Variants in SNTG2 observed in about 807,000 individuals in gnomAD.
SNTG2 encodes the protein gamma-2-syntrophin.
Under a neutral mutation model 70.9 loss-of-function variants are expected in SNTG2, and 74 were observed. That is an observed-to-expected ratio of 1.04 (90% CI 0.86 to 1.27). The LOEUF is 1.27. SNTG2 is among the 50% of genes most tolerant of loss of function. The pLI is 0.00. For missense variants in SNTG2, 717 were observed against 690.7 expected, an observed-to-expected ratio of 1.04 and a Z score of -0.43; for synonymous variants, 278 against 273.8, an observed-to-expected ratio of 1.02 and a Z score of -0.15.
intron 8 of SNTG2, among the ~76,000 whole-genome samples, chr2:1,184,899 C>G (rs1197602857): frequency 1.3e-5 from 2 of 152,184 alleles, no homozygotes; most frequent in Non-Finnish European, 2.9e-5. Flanking sequence ...CAAGTTTTAA[C>G]TCATGTCAGC....
chr2:1,007,360 C>G (rs1345181223), intron 1 of SNTG2, among the ~76,000 whole-genome samples: 3 of 152,276 alleles, frequency 2.0e-5, no homozygotes, highest in East Asian at 1.9e-4. Context: ...TGGGTGTTGC[C>G]AAGAGAAGTA....
rs1400320346 is a variant in SNTG2, at chr2:1,172,972, A to G, written c.500-120A>G. 6.0e-6 allele frequency: 5 copies of G among 833,946 alleles called. No homozygotes were observed. The East Asian group carries it at 1.2e-4, about 20-fold the overall frequency. The allele number at this position is 833,946 out of a possible 1,614,324, so 51.7% of individuals were successfully genotyped here. A position where few individuals can be genotyped will look rare whatever the true frequency, so the allele number is the denominator to read the frequency against. ...TGGGGATGACCCAGCCCATAACTGG[A>G]CACCAGGCATTTTGGTGCTGGTAAC... On this transcript the variant is annotated intron_variant, in intron 7 of 16. Transcript: ENST00000308624.
At chr2:960,584 C>A (rs187801435) in intron 1 of SNTG2, among the ~76,000 whole-genome samples, 1 of 151,028 alleles carries the variant, frequency 6.6e-6, no homozygotes, top group South Asian at 2.1e-4. Flanking sequence ...GAAGGGGGTG[C>A]TCCTACTGCC....
At chr2:1,262,774 C>G (rs2148173564) in intron 13 of SNTG2, 1 of 151,714 alleles carries the variant, frequency 6.6e-6, no homozygotes, top group South Asian at 2.1e-4. Flanking sequence ...CCCGAAGGCT[C>G]CGTGCAGACG....
chr2:1,166,936 C>T (rs1260177133), intron 7 of SNTG2, among the ~76,000 whole-genome samples: 1 of 152,156 alleles, frequency 6.6e-6, no homozygotes, highest in African/African-American at 2.4e-5. Flanking sequence ...GAGAAAACCA[C>T]CTTGCCACTC....
intron 9 of SNTG2, among the ~76,000 whole-genome samples, chr2:1,235,314 G>A (rs57568022): frequency 9.5e-5 from 4 of 42,280 alleles, no homozygotes; most frequent in Non-Finnish European, 1.4e-4. Context: ...GGGGGCCCCT[G>A]CCCCACGCTG....
intron 4 of SNTG2, among the ~76,000 whole-genome samples, chr2:1,132,349 C>G (rs1236862487): frequency 6.6e-6 from 1 of 151,978 alleles, no homozygotes; most frequent in Non-Finnish European, 1.5e-5. Flanking sequence ...ACATTCAGAG[C>G]CACGGGGAAG....
In SNTG2 at chr2:996,673, G is replaced by GTTTTTTTTTTTTTTTTTTTTTTT; in HGVS notation, c.72+45614_72+45636dup. 1.4e-3 allele frequency among the ~76,000 whole-genome samples: 50 copies of GTTTTTTTTTTTTTTTTTTTTTTT among 35,092 alleles called. 10 individuals are homozygous for GTTTTTTTTTTTTTTTTTTTTTTT. The highest frequency in any genetic ancestry group is 6.6e-3 in the South Asian group (4 of 606). 23.0% of individuals were successfully genotyped at this position (35,092 alleles called of 152,430 possible). ...ATATTGCTTGTATTTGAGTTACCCA[G>GTTTTTTTTTTTTTTTTTTTTTTT]TTTTTTTTTTTTTTTTTTTTTTTTT... On this transcript the variant is annotated intron_variant, in intron 1 of 16. Coordinates refer to ENST00000308624, the MANE Select transcript of SNTG2 (RefSeq NM_018968.4).
At chr2:1,141,550 T>C (rs1481433623) in intron 6 of SNTG2, among the ~76,000 whole-genome samples, 1 of 152,244 alleles carries the variant, frequency 6.6e-6, no homozygotes, top group Non-Finnish European at 1.5e-5. Context: ...ACTCCCTTGC[T>C]AATAATTTAT....
At chr2:1,232,928 G>T (rs1429281411) in intron 9 of SNTG2, among the ~76,000 whole-genome samples, 1 of 152,096 alleles carries the variant, frequency 6.6e-6, no homozygotes, top group Non-Finnish European at 1.5e-5. Flanking sequence ...AAGCATGAAG[G>T]CTTAAAGTAA....
chr2:963,505 A>G (rs769462005), intron 1 of SNTG2, among the ~76,000 whole-genome samples: 14 of 152,344 alleles, frequency 9.2e-5, no homozygotes, highest in Admixed American at 8.5e-4. Flanking sequence ...GTTATCACCT[A>G]TGTTTGGTAT....
At chr2:1,255,929 T>TAA (rs1210473678) in intron 12 of SNTG2, among the ~76,000 whole-genome samples, 6 of 66,356 alleles carry the variant, frequency 9.0e-5, no homozygotes, top group African/African-American at 5.2e-4. Flanking sequence ...AATATATAAA[T>TAA]ATATAAATAT....
intron 14 of SNTG2, 33 bp downstream of exon 14, chr2:1,267,604 A>C: frequency 6.3e-7 from 1 of 1,587,792 alleles, no homozygotes. Flanking sequence ...TCTCACCTAC[A>C]CCTGCTCGGG....
intron 16 of SNTG2, among the ~76,000 whole-genome samples, chr2:1,329,222 G>A (rs1470944321): frequency 6.6e-6 from 1 of 151,906 alleles, no homozygotes; most frequent in East Asian, 1.9e-4. Flanking sequence ...TTTTCTCTGA[G>A]TAAATGGTTT....
chr2:985,588 G>T (rs1362071197), intron 1 of SNTG2, among the ~76,000 whole-genome samples: 1 of 152,140 alleles, frequency 6.6e-6, no homozygotes, highest in Non-Finnish European at 1.5e-5. Context: ...TGGGGGATAT[G>T]CACAGGATAA....
chr2:1,171,827 A>C (rs903570230), intron 7 of SNTG2, among the ~76,000 whole-genome samples: 2 of 152,190 alleles, frequency 1.3e-5, no homozygotes, highest in Non-Finnish European at 2.9e-5. Flanking sequence ...ACAGCGAGCC[A>C]TGGTAACTCG....
chr2:1,184,375 G>C (rs965149332), intron 8 of SNTG2, among the ~76,000 whole-genome samples: 1 of 152,000 alleles, frequency 6.6e-6, no homozygotes, highest in African/African-American at 2.4e-5. Flanking sequence ...AATAGACTCA[G>C]GCAACTAAAA....
intron 8 of SNTG2, among the ~76,000 whole-genome samples, chr2:1,178,409 T>G (rs546388139): frequency 6.6e-6 from 1 of 152,316 alleles, no homozygotes. Flanking sequence ...TTCCAGTTTT[T>G]GCCCATTCAG....
At chr2:1,054,173 T>C (rs1662244404) in intron 1 of SNTG2, among the ~76,000 whole-genome samples, 1 of 152,092 alleles carries the variant, frequency 6.6e-6, no homozygotes, top group South Asian at 2.1e-4. Flanking sequence ...AACCTTTGGT[T>C]GTTTCCCGTG....
Sources: gnomAD v4.1 joint callset for allele counts (sites outside exome capture counted in the v4.1 genomes callset) on GRCh38, gnomAD v4.1.1 for gene constraint, MANE v1.5 for transcripts, NCBI Gene and HGNC (gene_info 2026-07-23, HGNC 2026-07-21) for gene names.